CUBN: variants seen among roughly 807,000 people sequenced by gnomAD.
The protein encoded by CUBN is cubilin, also known as 460 kDa receptor.
CUBN carries 282 observed loss-of-function variants against 405.3 expected under a neutral mutation model. The ratio of observed to expected loss-of-function variants is 0.70; its 90% CI spans 0.63 to 0.77. The LOEUF is 0.77. Ranked by LOEUF, CUBN falls within the 30% of genes least tolerant of loss-of-function variation. The pLI, the probability that CUBN is intolerant of heterozygous loss-of-function variation, is 0.00. For missense variants in CUBN, 4,514 were observed against 4,475.2 expected (o/e 1.01, Z -0.25); for synonymous variants, 1,684 against 1,617.0 (o/e 1.04, Z -0.99).
intron 27 of CUBN, chr10:17,023,582 T>C (rs1391203258): frequency 4.4e-6 from 2 of 455,868 alleles, no homozygotes; most frequent in South Asian, 3.1e-5. Flanking sequence ...TCACTGATTC[T>C]GATTCTGTTT....
At chr10:16,988,221 T>C (rs1833484929) in intron 29 of CUBN, among the ~76,000 whole-genome samples, 1 of 152,228 alleles carries the variant, frequency 6.6e-6, no homozygotes, top group African/African-American at 2.4e-5. Context: ...AATAAAGGGT[T>C]TGGAACATTG....
At chr10:16,915,749 A>G (rs1390345520) in intron 46 of CUBN, 72 bp downstream of exon 46, 4 of 1,329,484 alleles carry the variant, frequency 3.0e-6, no homozygotes, top group Non-Finnish European at 4.3e-6. Flanking sequence ...CTTGGAAGTG[A>G]AGAAACTTCA....
chr10:16,844,159 C>G (rs1839439730), intron 60 of CUBN, among the ~76,000 whole-genome samples: 1 of 151,566 alleles, frequency 6.6e-6, no homozygotes, highest in Non-Finnish European at 1.5e-5. Flanking sequence ...ATCCCAGCTA[C>G]TTGGGAGGCT....
Position 16,915,179 on chromosome 10 carries a change from G to C in CUBN, c.7211-7C>G. On this transcript the variant is annotated splice_polypyrimidine_tract_variant and splice_region_variant and intron_variant, in intron 46 of 66. Coordinates refer to ENST00000377833, the MANE Select transcript of CUBN (RefSeq NM_001081.4). ...TATCTGCCCAAGATGTTTCCTGTGA[G>C]AGACAAATAATTAAATATACATGTC... is the stretch of plus-strand genomic sequence containing the variant. 6 of 1,613,656 alleles carry C rather than the reference G, an allele frequency of 3.7e-6. No homozygotes were observed. The highest frequency in any genetic ancestry group is 2.2e-5 in the East Asian group (1 of 44,880).
At chr10:17,088,047 T>G in intron 15 of CUBN, 117 bp downstream of exon 15, 54 of 752,542 alleles carry the variant, frequency 7.2e-5, no homozygotes, top group Non-Finnish European at 1.1e-4. Context: ...GACTGACTAT[T>G]GAGAAACACA....
intron 52 of CUBN, 27 bp from the exon 53 acceptor site, chr10:16,900,877 T>G (rs1373030581): frequency 6.7e-7 from 1 of 1,484,114 alleles, no homozygotes; most frequent in Admixed American, 1.8e-5. Context: ...AAAATGGTTG[T>G]CAGTGAGCTT....
intron 28 of CUBN, among the ~76,000 whole-genome samples, chr10:17,014,627 G>A (rs1398282107): frequency 2.6e-5 from 4 of 152,198 alleles, no homozygotes; most frequent in Non-Finnish European, 4.4e-5. Context: ...CTGGGTCTTC[G>A]ACCTAGATGC....
chr10:17,052,999 A>C (rs1428230220), intron 22 of CUBN, among the ~76,000 whole-genome samples: 1 of 151,988 alleles, frequency 6.6e-6, no homozygotes, highest in Non-Finnish European at 1.5e-5. Flanking sequence ...TATGAAATGT[A>C]AAGCAGCTGC....
chr10:16,830,613 G>A (rs879650223), intron 65 of CUBN, among the ~76,000 whole-genome samples: 15 of 152,166 alleles, frequency 9.9e-5, no homozygotes, highest in Non-Finnish European at 1.3e-4. Context: ...GTGTTCATAA[G>A]TTGGATTTTT....
chr10:16,889,708 A>C (rs1253596172), intron 55 of CUBN, among the ~76,000 whole-genome samples: 2 of 151,862 alleles, frequency 1.3e-5, no homozygotes, highest in Non-Finnish European at 2.9e-5. Flanking sequence ...ATCCTGGCCA[A>C]CATGGTGAAA....
intron 31 of CUBN, among the ~76,000 whole-genome samples, chr10:16,955,910 G>A (rs984822507): frequency 8.5e-5 from 13 of 152,146 alleles, no homozygotes; most frequent in Admixed American, 2.0e-4. Flanking sequence ...TGAGCAGGAC[G>A]CATGCATCAA....
intron 51 of CUBN, 43 bp from the exon 52 acceptor site, chr10:16,901,502 A>C (rs1485470323): frequency 2.5e-6 from 4 of 1,612,490 alleles, no homozygotes; most frequent in Non-Finnish European, 3.4e-6. Context: ...CAGAAGTAAA[A>C]AAAAGAACCG....
intron 59 of CUBN, among the ~76,000 whole-genome samples, chr10:16,867,372 G>T (rs1399807225): frequency 6.6e-6 from 1 of 152,054 alleles, no homozygotes; most frequent in Non-Finnish European, 1.5e-5. Context: ...TATTCTTATT[G>T]TTCCTTCCCC....
At chr10:16,880,766 A>G (rs1840646625) in intron 56 of CUBN, among the ~76,000 whole-genome samples, 1 of 152,254 alleles carries the variant, frequency 6.6e-6, no homozygotes, top group Non-Finnish European at 1.5e-5. Context: ...GCCTGCAGAA[A>G]TCTTGAGGTA....
intron 30 of CUBN, among the ~76,000 whole-genome samples, chr10:16,983,396 A>G (rs993758678): frequency 4.6e-5 from 7 of 152,172 alleles, no homozygotes; most frequent in Non-Finnish European, 1.0e-4. Context: ...GGAATCACAT[A>G]TGTGCTTTGA....
chr10:16,837,080 G>A (rs1052992054), intron 62 of CUBN, among the ~76,000 whole-genome samples: 1 of 151,944 alleles, frequency 6.6e-6, no homozygotes, highest in Non-Finnish European at 1.5e-5. Flanking sequence ...CAAAACTCCT[G>A]TAACTGCTCG....
rs201484266 is a variant in CUBN at position 16,828,810 on chromosome 10, C to T, written c.10759G>A (p.Gly3587Arg). The T allele has an allele frequency of 5.5e-4, 877 of 1,605,630 alleles. 14 individuals carry two copies. In the South Asian group the frequency reaches 7.8e-3, roughly 14 times the overall value. Residue 3587 changes from glycine to arginine, a missense_variant, in exon 66 of 67, where the codon GGA becomes AGA. Around this residue, in one of 5 missense-constraint regions of CUBN, gnomAD observed 1,186 missense variants for 1,186.9 expected, o/e 1.00. Transcript: ENST00000377833. ...ASSPSSGPYCGGDTSIAPFVA... is the reference protein window; with the variant it reads ...ASSPSSGPYCRGDTSIAPFVA... Reference sequence around the variant, plus strand: ...AAAATGTTTGTTTTACTCACGCCTCCGCAGTATGGTCCAGAGGATGGAGAG... The same window carrying T: ...AAAATGTTTGTTTTACTCACGCCTCTGCAGTATGGTCCAGAGGATGGAGAG...
At chr10:16,846,812 CA>C (rs59819645) in intron 60 of CUBN, among the ~76,000 whole-genome samples, 30,865 of 134,456 alleles carry the variant, frequency 0.23, 3,742 homozygotes, top group East Asian at 0.51. Context: ...AACTCTGTCT[CA>C]AAAAAAAAAA....
chr10:17,061,355 C>T (rs1182822107), intron 22 of CUBN, among the ~76,000 whole-genome samples: 1 of 152,102 alleles, frequency 6.6e-6, no homozygotes, highest in Non-Finnish European at 1.5e-5. Flanking sequence ...GCACCCTAGA[C>T]CTATTTTAAT....
Sources: allele counts gnomAD v4.1 joint callset (sites outside exome capture counted in the v4.1 genomes callset), GRCh38; gene constraint gnomAD v4.1.1; regional missense constraint gnomAD v4.1.1; transcripts MANE v1.5; gene names NCBI Gene and HGNC (gene_info 2026-07-23, HGNC 2026-07-21).